STT3B: variants seen among roughly 807,000 people sequenced by gnomAD.
The protein encoded by STT3B is dolichyl-diphosphooligosaccharide--protein glycosyltransferase subunit STT3B.
STT3B carries 29 observed loss-of-function variants against 96.8 expected under a neutral mutation model. The ratio of observed to expected loss-of-function variants is 0.30; its 90% CI spans 0.22 to 0.41. The LOEUF is 0.41. Among genes scored for constraint, STT3B ranks in the 10% least tolerant of loss-of-function variants. The pLI is 1.00. For synonymous variants in STT3B, 367 were observed against 360.0 expected, an observed-to-expected ratio of 1.02 and a Z score of -0.22; for missense variants, 640 against 1,022.3, an observed-to-expected ratio of 0.63 and a Z score of 5.10.
At chr3:31,635,887 A>T (rs945745430) in intron 15 of STT3B, 97 bp from the exon 16 acceptor site, 3 of 795,906 alleles carry the variant, frequency 3.8e-6, no homozygotes, top group Admixed American at 2.8e-5. Flanking sequence ...CAGAGAGCTT[A>T]CTAAGTCATC....
chr3:31,617,184 T>TTA, intron 7 of STT3B, 109 bp downstream of exon 7: 142 of 715,996 alleles, frequency 2.0e-4, no homozygotes, highest in Non-Finnish European at 2.6e-4. Flanking sequence ...AGTGATTTTT[T>TTA]TCTTTTTTTT....
intron 4 of STT3B, among the ~76,000 whole-genome samples, chr3:31,599,978 TAAA>T (rs1421086536): frequency 6.6e-6 from 1 of 152,152 alleles, no homozygotes; most frequent in Non-Finnish European, 1.5e-5. Context: ...AAATTTGTCA[TAAA>T]AAGTGGGTGA....
chr3:31,596,417 G>A (rs928662651), intron 3 of STT3B, among the ~76,000 whole-genome samples: 1 of 152,084 alleles, frequency 6.6e-6, no homozygotes, highest in African/African-American at 2.4e-5. Context: ...TGCTGAACAA[G>A]CAAAAGACCT....
At chr3:31,608,468 C>T (rs1575438808) in intron 5 of STT3B, among the ~76,000 whole-genome samples, 1 of 152,174 alleles carries the variant, frequency 6.6e-6, no homozygotes. Flanking sequence ...GCTTGCACCA[C>T]CTATGCTGCT....
chr3:31,625,870 C>A, intron 12 of STT3B, 84 bp from the exon 13 acceptor site: 1 of 1,272,544 alleles, frequency 7.9e-7, no homozygotes, highest in Non-Finnish European at 1.1e-6. Flanking sequence ...TTGATGAATT[C>A]CATGTTGTAG....
rs1699764663 is a variant in STT3B at position 31,637,011 on chromosome 3, CCATT to C, written c.*950_*953del. On this transcript the variant is annotated 3_prime_UTR_variant, in exon 16 of 16. Coordinates refer to ENST00000295770, the MANE Select transcript of STT3B (RefSeq NM_178862.3). ...CTTTTTTCATTTTACAACAGTTCAT[CCATT>C]CACAATGATTTTGTTCTCTGCTCCA... 6.6e-6 allele frequency: 1 copy of C among 152,184 alleles called. No individual in the cohort carries two copies. The highest frequency in any genetic ancestry group is 2.1e-4 in the South Asian group (1 of 4,832). The allele number at this position is 152,184 out of a possible 1,614,324, so 9.4% of individuals were successfully genotyped here. A position where few individuals can be genotyped will look rare whatever the true frequency, so the allele number is the denominator to read the frequency against.
chr3:31,570,012 T>C (rs1245292527), intron 1 of STT3B, among the ~76,000 whole-genome samples: 1 of 152,162 alleles, frequency 6.6e-6, no homozygotes, highest in East Asian at 1.9e-4. Flanking sequence ...GTAGAGCTAA[T>C]ACTGTAATGA....
chr3:31,633,285 A>T, intron 15 of STT3B, 138 bp downstream of exon 15: 2 of 760,832 alleles, frequency 2.6e-6, no homozygotes, highest in Non-Finnish European at 4.1e-6. Context: ...CGAAGTAAAT[A>T]TCAGCCTAGC....
At chr3:31,598,712 A>G (rs186480269) in intron 4 of STT3B, among the ~76,000 whole-genome samples, 4 of 152,198 alleles carry the variant, frequency 2.6e-5, no homozygotes, top group East Asian at 1.9e-4. Flanking sequence ...AAGGTAGCAT[A>G]TTGATATTAT....
intron 8 of STT3B, 34 bp downstream of exon 8, chr3:31,618,022 A>G (rs1254337407): frequency 7.3e-7 from 1 of 1,376,074 alleles, no homozygotes; most frequent in Non-Finnish European, 1.0e-6. Context: ...CATCATATTT[A>G]TTGAAATACT....
chr3:31,567,428 G>T (rs1698032541), intron 1 of STT3B, among the ~76,000 whole-genome samples: 1 of 152,072 alleles, frequency 6.6e-6, no homozygotes, highest in Non-Finnish European at 1.5e-5. Context: ...GATTTGTGTT[G>T]TCTTGTTAAA....
chr3:31,635,963 ATG>A lies in STT3B; in HGVS notation c.2401-17_2401-16del, dbSNP rs748103875. Reference sequence around the variant, plus strand: ...TCAGTAAGAAACCTGCATTAATACTATGTGTTTTGTTTTTTTATAGACTACCA... The same window carrying A: ...TCAGTAAGAAACCTGCATTAATACTATGTTTTGTTTTTTTATAGACTACCA... On this transcript the variant is annotated intron_variant, in intron 15 of 15. Transcript: ENST00000295770. 1.4e-5 allele frequency: 22 copies of A among 1,567,994 alleles called. No individual in the cohort carries two copies. The highest frequency in any genetic ancestry group is 1.2e-4 in the Admixed American group (7 of 56,678).
chr3:31,601,842 G>A (rs1402851479), intron 5 of STT3B, among the ~76,000 whole-genome samples: 1 of 152,120 alleles, frequency 6.6e-6, no homozygotes, highest in Non-Finnish European at 1.5e-5. Context: ...TTTTTCATTT[G>A]ATACTGTGAG....
chr3:31,581,552 G>C (rs1698385013), intron 3 of STT3B, among the ~76,000 whole-genome samples: 2 of 152,046 alleles, frequency 1.3e-5, no homozygotes, highest in Non-Finnish European at 1.5e-5. Flanking sequence ...GTCCCAGTTG[G>C]TCATGGTATA....
At chr3:31,586,327 G>GAAAT (rs60244358) in intron 3 of STT3B, among the ~76,000 whole-genome samples, 139,659 of 151,748 alleles carry the variant, frequency 0.92, 64,435 homozygotes, top group East Asian at 0.96. Context: ...GTATATTTTG[G>GAAAT]AAATACTTTA....
intron 1 of STT3B, among the ~76,000 whole-genome samples, chr3:31,543,446 C>T (rs886584254): frequency 6.6e-6 from 1 of 152,152 alleles, no homozygotes; most frequent in Admixed American, 6.5e-5. Context: ...TCTAGAATAT[C>T]CTACACAGTA....
intron 3 of STT3B, among the ~76,000 whole-genome samples, chr3:31,586,099 A>G (rs1040396243): frequency 1.1e-4 from 16 of 152,066 alleles, no homozygotes; most frequent in African/African-American, 3.1e-4. Flanking sequence ...TATTTACTCT[A>G]CTTTTCCATC....
At chr3:31,621,311 TACTG>T (rs1170326110) in intron 9 of STT3B, among the ~76,000 whole-genome samples, 1 of 152,166 alleles carries the variant, frequency 6.6e-6, no homozygotes, top group Non-Finnish European at 1.5e-5. Context: ...AGGGGGTTGT[TACTG>T]ACTGAGAAGA....
intron 2 of STT3B, among the ~76,000 whole-genome samples, chr3:31,579,457 A>C (rs1698332321): frequency 7.0e-6 from 1 of 142,190 alleles, no homozygotes; most frequent in African/African-American, 2.6e-5. Flanking sequence ...AGGATAAGCT[A>C]GACTAAGACC....
Sources: allele counts gnomAD v4.1 joint callset (sites outside exome capture counted in the v4.1 genomes callset), GRCh38; gene constraint gnomAD v4.1.1; transcripts MANE v1.5; gene names NCBI Gene and HGNC (gene_info 2026-07-23, HGNC 2026-07-21).